TCP11: variants seen among roughly 807,000 people sequenced by gnomAD.
TCP11 encodes T-complex protein 11 homolog.
A neutral mutation model predicts 45.0 loss-of-function variants in TCP11; 34 were observed. The ratio of observed to expected loss-of-function variants is 0.76; its 90% CI spans 0.57 to 1.01. TCP11 has a LOEUF of 1.01. Ranked by LOEUF, TCP11 falls within the 50% of genes least tolerant of loss-of-function variation. The pLI, the probability that TCP11 is intolerant of heterozygous loss-of-function variation, is 0.00. For synonymous variants in TCP11, 227 were observed against 227.0 expected (o/e 1.00, Z 0.00); for missense variants, 523 against 598.1 (o/e 0.87, Z 1.31).
chr6:35,128,867 C>T (rs900532095), intron 4 of TCP11, 195 bp downstream of exon 4: 2 of 646,626 alleles, frequency 3.1e-6, no homozygotes, highest in Non-Finnish European at 4.9e-6. Flanking sequence ...TAGCCAAGCC[C>T]TCATTTCTCC....
chr6:35,126,620 C>T (rs1779843249), intron 4 of TCP11, among the ~76,000 whole-genome samples: 1 of 145,800 alleles, frequency 6.9e-6, no homozygotes. Flanking sequence ...ATTGGTCTTA[C>T]AGGATGCAAT....
chr6:35,134,283 T>G lies in TCP11; in HGVS notation c.236+1824A>C, dbSNP rs796857802. On this transcript the variant is annotated intron_variant, in intron 3 of 9. Coordinates refer to ENST00000311875, the MANE Select transcript of TCP11 (RefSeq NM_001370687.1). ...ACATCCACCCATAAGCTTTTTTTTT[T>G]TTTTTTTTTTTGGTTTTGTTTTGAG... Among the ~76,000 whole-genome samples the G allele has an allele frequency of 5.6e-3, 788 of 139,806 alleles. 10 individuals carry two copies. The highest frequency in any genetic ancestry group is 0.021 in the African/African-American group (742 of 35,194). 91.7% of individuals were successfully genotyped at this position (139,806 alleles called of 152,430 possible).
chr6:35,125,818 T>C (rs1779764556), intron 4 of TCP11, among the ~76,000 whole-genome samples: 1 of 152,246 alleles, frequency 6.6e-6, no homozygotes, highest in South Asian at 2.1e-4. Flanking sequence ...ATAAGAATAT[T>C]ATTCAGCCAT....
chr6:35,118,930 G>C (rs1778929217), intron 9 of TCP11, among the ~76,000 whole-genome samples: 1 of 152,132 alleles, frequency 6.6e-6, no homozygotes, highest in African/African-American at 2.4e-5. Context: ...GGAGATGGGG[G>C]AATGTCAGAT....
At position 35,119,406 on chromosome 6, in the gene TCP11, A is replaced by T; in HGVS notation, c.1116-15T>A. Reference sequence around the variant, plus strand: ...CTTCCTCAGGCCTAGACCATGAAAGAAAGTAAGCTGGCACCCACCAGGTAA... The same window carrying T: ...CTTCCTCAGGCCTAGACCATGAAAGTAAGTAAGCTGGCACCCACCAGGTAA... On this transcript the variant is annotated splice_polypyrimidine_tract_variant and intron_variant, in intron 8 of 9. Transcript: ENST00000311875. The T allele has an allele frequency of 6.2e-7, 1 of 1,612,636 alleles. No individual in the cohort carries two copies. The highest frequency in any genetic ancestry group is 8.5e-7 in the Non-Finnish European group (1 of 1,179,188).
chr6:35,138,697 C>T (rs1422725856), intron 2 of TCP11, among the ~76,000 whole-genome samples: 1 of 151,726 alleles, frequency 6.6e-6, no homozygotes, highest in African/African-American at 2.4e-5. Context: ...CTGTAGTCAA[C>T]AATAATTTAG....
intron 4 of TCP11, among the ~76,000 whole-genome samples, chr6:35,123,950 C>A (rs1359620273): frequency 6.6e-6 from 1 of 151,876 alleles, no homozygotes; most frequent in African/African-American, 2.4e-5. Flanking sequence ...CCATGCCCAG[C>A]TAATTAAAAA....
At position 35,120,472 on chromosome 6, in the gene TCP11, A is replaced by G; in HGVS notation, c.890T>C (p.Leu297Ser). 1 of 1,605,206 alleles carries G rather than the reference A, an allele frequency of 6.2e-7. No individual in the cohort carries two copies. The highest frequency in any genetic ancestry group is 1.7e-4 in the Middle Eastern group (1 of 6,000). The change falls in exon 7 of 10, where the codon TTG (leucine) becomes TCG (serine). Residue 297 changes from leucine to serine, a missense_variant. Physicochemically the swap from Leu to Ser is moderately radical, Grantham distance 145 (BLOSUM62 -2). This residue lies in a region of TCP11 where 298 missense variants were observed against 387.9 expected (regional missense o/e 0.77). Coordinates refer to ENST00000311875, the MANE Select transcript of TCP11 (RefSeq NM_001370687.1). This position sits in a 1 kb window ranked among gnomAD's most constrained non-coding sequence, Gnocchi z 4.9. Reference protein sequence around the residue: ...SPTMVLCQGFLNLLLWDLENE... With the variant: ...SPTMVLCQGFSNLLLWDLENE... Reference sequence around the variant, plus strand: ...TTCAAGGTCCCAGAGAAGGAGGTTCAAGAAGCCCTGACACAGCACCATTGT... The same window carrying G: ...TTCAAGGTCCCAGAGAAGGAGGTTCGAGAAGCCCTGACACAGCACCATTGT...
intron 2 of TCP11, chr6:35,139,953 G>T: frequency 6.7e-7 from 1 of 1,486,392 alleles, no homozygotes; most frequent in South Asian, 1.2e-5. Flanking sequence ...TTTATATATG[G>T]ACTCATTTAA....
intron 4 of TCP11, among the ~76,000 whole-genome samples, chr6:35,123,327 A>T (rs1779484516): frequency 6.6e-6 from 1 of 152,134 alleles, no homozygotes; most frequent in Non-Finnish European, 1.5e-5. Context: ...ATAGCAGATG[A>T]TCTCCACAAA....
At chr6:35,135,996 T>G in intron 3 of TCP11, 111 bp downstream of exon 3, 1 of 698,078 alleles carries the variant, frequency 1.4e-6, no homozygotes, top group Non-Finnish European at 2.3e-6. Flanking sequence ...CTCTCAAGTT[T>G]AAATACTCAT....
intron 2 of TCP11, chr6:35,140,514 AAATC>A (rs1781608468): frequency 1.5e-6 from 1 of 646,080 alleles, no homozygotes; most frequent in Admixed American, 2.1e-5. Context: ...ACTCAGTCTC[AAATC>A]TTGTCAGATT....
rs897648182 is a variant in TCP11, at chr6:35,118,333, G to T, written c.1448C>A (p.Thr483Asn). The T allele has an allele frequency of 6.2e-7, 1 of 1,614,202 alleles. No homozygotes were observed. The highest frequency in any genetic ancestry group is 8.5e-7 in the Non-Finnish European group (1 of 1,180,040). The change falls in exon 10 of 10, where the codon ACT (threonine) becomes AAT (asparagine). Residue 483 changes from threonine (T) to asparagine (N), a missense_variant. This residue lies in a region of TCP11 where 298 missense variants were observed against 387.9 expected (regional missense o/e 0.77). Coordinates refer to ENST00000311875, the MANE Select transcript of TCP11 (RefSeq NM_001370687.1). ...HNQQVFGPYY[T>N]EILKTLISPA... is the part of the protein sequence containing the mutation. Reference sequence around the variant, plus strand: ...GGAAATGAGGGTTTTTAGGATCTCAGTGTAGTAGGGACCAAACACCTGCTG... The same window carrying T: ...GGAAATGAGGGTTTTTAGGATCTCATTGTAGTAGGGACCAAACACCTGCTG...
rs1019276968 is a variant in TCP11, at chr6:35,139,260, T to A, written c.124+1487A>T. 4.6e-4 allele frequency among the ~76,000 whole-genome samples: 69 copies of A among 151,448 alleles called. 1 individual carries two copies. The highest frequency in any genetic ancestry group is 1.6e-3 in the African/African-American group (68 of 41,240). ...TTAAAAGAAGTCAAGACGTTGCAATTTTAAAAGGCAGGAGGGGGAAATACA... is the reference window on the plus strand; with the variant it reads ...TTAAAAGAAGTCAAGACGTTGCAATATTAAAAGGCAGGAGGGGGAAATACA... On this transcript the variant is annotated intron_variant, in intron 2 of 9. Coordinates refer to ENST00000311875, the MANE Select transcript of TCP11 (RefSeq NM_001370687.1).
chr6:35,138,999 C>T (rs918451489), intron 2 of TCP11, among the ~76,000 whole-genome samples: 18 of 152,112 alleles, frequency 1.2e-4, no homozygotes, highest in Middle Eastern at 3.2e-3. Context: ...ACCAGCCTGG[C>T]CGACATGGTG....
chr6:35,138,320 A>G (rs1781337935), intron 2 of TCP11, among the ~76,000 whole-genome samples: 1 of 152,256 alleles, frequency 6.6e-6, no homozygotes, highest in African/African-American at 2.4e-5. Flanking sequence ...ATGATAGCCA[A>G]GATTTGGAAG....
Position 35,121,084 on chromosome 6 carries a change from T to A in TCP11, c.579-39A>T, listed in dbSNP as rs374714765. The A allele has an allele frequency of 1.2e-4, 188 of 1,557,086 alleles. No homozygotes were observed. Among genetic ancestry groups the A allele is most frequent in the Middle Eastern group, 5.1e-4 (3 of 5,842 alleles). ...AAAGAGAATATTTATACTACTAAGCTAGAAACCCACCCAAGGAGTCATTAA... is the reference window on the plus strand; with the variant it reads ...AAAGAGAATATTTATACTACTAAGCAAGAAACCCACCCAAGGAGTCATTAA... On this transcript the variant is annotated intron_variant, in intron 5 of 9. Coordinates refer to ENST00000311875, the MANE Select transcript of TCP11 (RefSeq NM_001370687.1).
In TCP11 at chr6:35,118,354, T is replaced by C. The variant is rs1778850453; in HGVS notation, c.1427A>G (p.Gln476Arg). 1 of 1,614,186 alleles carries C rather than the reference T, an allele frequency of 6.2e-7. No individual in the cohort carries two copies. Among genetic ancestry groups the C allele is most frequent in the Non-Finnish European group, 8.5e-7 (1 of 1,180,020 alleles). ...KFVNLTHHNQ[Q>R]VFGPYYTEIL... ...CTCAGTGTAGTAGGGACCAAACACC[T>C]GCTGATTGTGATGTGTCAAGTTGAC... Residue 476 changes from glutamine to arginine, a missense_variant, in exon 10 of 10, where the codon CAG (glutamine) becomes CGG (arginine). Physicochemically the swap from Gln to Arg is conservative, Grantham distance 43 (BLOSUM62 1). Coordinates refer to ENST00000311875, the MANE Select transcript of TCP11 (RefSeq NM_001370687.1).
Position 35,120,730 on chromosome 6 carries a change from C to G in TCP11, c.716-84G>C. ...GACCAAGGTTCTTTTCAAGTATACT[C>G]CTGGTCAATAAATAAATGCTTTGAG... On this transcript the variant is annotated intron_variant, in intron 6 of 9. Coordinates refer to ENST00000311875, the MANE Select transcript of TCP11 (RefSeq NM_001370687.1). The surrounding 1 kb of genome is among the most constrained non-coding windows in gnomAD (Gnocchi z 4.9). 6.9e-7 allele frequency: 1 copy of G among 1,439,154 alleles called. No individual in the cohort carries two copies. The highest frequency in any genetic ancestry group is 1.3e-5 in the South Asian group (1 of 74,416). 89.1% of individuals were successfully genotyped at this position (1,439,154 alleles called of 1,614,324 possible).
Sources: gnomAD v4.1 joint callset for allele counts (sites outside exome capture counted in the v4.1 genomes callset) on GRCh38, gnomAD v4.1.1 for gene constraint, gnomAD v4.1.1 regional missense constraint, Gnocchi (gnomAD v3.1) non-coding constraint, MANE v1.5 for transcripts, NCBI Gene and HGNC (gene_info 2026-07-23, HGNC 2026-07-21) for gene names.